KCNQ2: variants seen among roughly 807,000 people sequenced by gnomAD.
KCNQ2 encodes potassium voltage-gated channel subfamily Q member 2, also known as potassium voltage-gated channel subfamily KQT member 2.
A neutral mutation model predicts 84.8 loss-of-function variants in KCNQ2; 14 were observed. The observed-to-expected ratio is 0.17, with a 90% CI of 0.11 to 0.26. KCNQ2 has a LOEUF of 0.26. Ranked by LOEUF, KCNQ2 falls within the 10% of genes least tolerant of loss-of-function variation. The pLI, the probability that KCNQ2 is intolerant of heterozygous loss-of-function variation, is 1.00. For missense variants in KCNQ2, 788 were observed against 1,254.0 expected, an observed-to-expected ratio of 0.63 and a Z score of 5.61; for synonymous variants, 599 against 554.1, an observed-to-expected ratio of 1.08 and a Z score of -1.14.
intron 15 of KCNQ2, among the ~76,000 whole-genome samples, chr20:63,410,593 G>A (rs191800931): frequency 1.9e-3 from 286 of 152,254 alleles, no homozygotes; most frequent in Non-Finnish European, 3.2e-3. Context: ...CAGGGAACCC[G>A]GCAAACTCCG....
intron 11 of KCNQ2, among the ~76,000 whole-genome samples, chr20:63,420,250 C>A (rs2080425922): frequency 1.3e-5 from 2 of 152,242 alleles, no homozygotes; most frequent in South Asian, 2.1e-4. Context: ...CACGTTGGGG[C>A]TCAGTGGATC....
In KCNQ2 at chr20:63,400,337, C is replaced by T. The variant is rs929116710; in HGVS notation, c.*6307G>A. 1.8e-5 allele frequency: 6 copies of T among 324,328 alleles called. No homozygotes were observed. Among genetic ancestry groups the T allele is most frequent in the African/African-American group, 1.3e-4 (6 of 46,894 alleles). The allele number at this position is 324,328 out of a possible 1,614,324, so 20.1% of individuals were successfully genotyped here. A position where few individuals can be genotyped will look rare whatever the true frequency, so the allele number is the denominator to read the frequency against. On this transcript the variant is annotated 3_prime_UTR_variant, in exon 17 of 17. Transcript: ENST00000359125. This position sits in a 1 kb window ranked among gnomAD's most constrained non-coding sequence, Gnocchi z 8.7. ...CCGCAGGACCCCACACCCGAAGTCC[C>T]CCGCAAACCCGCACTGGCGCATTCT... is the stretch of plus-strand genomic sequence containing the variant.
In KCNQ2 at chr20:63,460,295, G is replaced by C. The variant is rs947597131; in HGVS notation, c.296+11873C>G. On this transcript the variant is annotated intron_variant, in intron 1 of 16. Transcript: ENST00000359125. The surrounding 1 kb of genome is among the most constrained non-coding windows in gnomAD (Gnocchi z 5.4). Reference sequence around the variant, plus strand: ...GTCCCAGGGGAGCTGGGGTGGAGAGGGGCTCCCCCCACCCTCAACAAGGGG... The same window carrying C: ...GTCCCAGGGGAGCTGGGGTGGAGAGCGGCTCCCCCCACCCTCAACAAGGGG... Among the ~76,000 whole-genome samples the C allele has an allele frequency of 6.6e-6, 1 of 152,132 alleles. No individual in the cohort carries two copies. The highest frequency in any genetic ancestry group is 1.5e-5 in the Non-Finnish European group (1 of 68,012).
At chr20:63,453,503 C>T (rs1047257289) in intron 1 of KCNQ2, among the ~76,000 whole-genome samples, 1 of 152,222 alleles carries the variant, frequency 6.6e-6, no homozygotes, top group Non-Finnish European at 1.5e-5. Context: ...GTCTGCCTAA[C>T]GGGGTTTTCT....
chr20:63,444,656 C>T lies in KCNQ2; in HGVS notation c.690+3G>A, dbSNP rs540295078. ...CACCGCCAGCCTTGGGGCCGTGACT[C>T]ACCTTGCTGTGGGCATAGACCACAG... On this transcript the variant is annotated splice_donor_region_variant and intron_variant, in intron 4 of 16. Coordinates refer to ENST00000359125, the MANE Select transcript of KCNQ2 (RefSeq NM_172107.4). 4 of 1,548,884 alleles carry T rather than the reference C, an allele frequency of 2.6e-6. No homozygotes were observed. In the South Asian group the frequency reaches 3.5e-5, roughly 14 times the overall value.
intron 10 of KCNQ2, among the ~76,000 whole-genome samples, chr20:63,424,778 C>A (rs2080578321): frequency 6.6e-6 from 1 of 152,240 alleles, no homozygotes; most frequent in African/African-American, 2.4e-5. Context: ...TCCGGCGTCT[C>A]ATCTGGGGCT....
At chr20:63,433,726 G>A in intron 8 of KCNQ2, 83 bp downstream of exon 8, 2 of 1,609,032 alleles carry the variant, frequency 1.2e-6, no homozygotes, top group African/African-American at 1.3e-5. Flanking sequence ...TCAAAATAAT[G>A]AACAACAAAA....
chr20:63,450,125 C>T (rs1282374939), intron 1 of KCNQ2, among the ~76,000 whole-genome samples: 2 of 149,720 alleles, frequency 1.3e-5, no homozygotes, highest in African/African-American at 4.9e-5. Flanking sequence ...CACCCCGCCT[C>T]ACCCCGTCCC....
chr20:63,419,458 G>A (rs1028424866), intron 12 of KCNQ2, among the ~76,000 whole-genome samples, 161 bp downstream of exon 12: 6 of 152,208 alleles, frequency 3.9e-5, no homozygotes, highest in Non-Finnish European at 7.4e-5. Flanking sequence ...CGCAGCTGTC[G>A]GCTAGAATAG....
At position 63,400,822 on chromosome 20, in the gene KCNQ2, C is replaced by T. The variant is rs1376410842; in HGVS notation, c.*5822G>A. The T allele has an allele frequency of 2.0e-5, 8 of 398,448 alleles. No individual in the cohort carries two copies. Among genetic ancestry groups the T allele is most frequent in the East Asian group, 3.6e-5 (1 of 28,068 alleles). The allele number at this position is 398,448 out of a possible 1,614,324, so 24.7% of individuals were successfully genotyped here. ...CCTCCGTGAGACCCCTCCTGCCCTG[C>T]GCGTGTCTCTGGAGCCCGTCCCTTG... On this transcript the variant is annotated 3_prime_UTR_variant, in exon 17 of 17. Coordinates refer to ENST00000359125, the MANE Select transcript of KCNQ2 (RefSeq NM_172107.4). This position sits in a 1 kb window ranked among gnomAD's most constrained non-coding sequence, Gnocchi z 8.7.
At chr20:63,430,996 G>A (rs995441944) in intron 9 of KCNQ2, among the ~76,000 whole-genome samples, 18 of 152,186 alleles carry the variant, frequency 1.2e-4, no homozygotes, top group African/African-American at 4.1e-4. Flanking sequence ...ATGGAGGCAC[G>A]AGGGGAGCCA....
rs2081432144 is a variant in KCNQ2 at position 63,446,554 on chromosome 20, C to T, written c.387+193G>A. Among the ~76,000 whole-genome samples, 1 of 152,098 alleles carries T rather than the reference C, an allele frequency of 6.6e-6. No homozygotes were observed. ...GGGTGAGGTGAGGGCTGAGTTACAGCCAGGGTGGGGCTGGGGCATAGCCCG... is the reference window on the plus strand; with the variant it reads ...GGGTGAGGTGAGGGCTGAGTTACAGTCAGGGTGGGGCTGGGGCATAGCCCG... On this transcript the variant is annotated intron_variant, in intron 2 of 16. Coordinates refer to ENST00000359125, the MANE Select transcript of KCNQ2 (RefSeq NM_172107.4). This position sits in a 1 kb window ranked among gnomAD's most constrained non-coding sequence, Gnocchi z 5.5.
Position 63,431,027 on chromosome 20 carries a change from G to A in KCNQ2, c.1148+313C>T, listed in dbSNP as rs929637601. ...AGCCAGGCCAGAAGCAGGACAGAAC[G>A]AGACCACGGGGGACACAGGCGGGCT... On this transcript the variant is annotated intron_variant, in intron 9 of 16. Transcript: ENST00000359125. Among the ~76,000 whole-genome samples the A allele has an allele frequency of 3.3e-5, 5 of 152,318 alleles. 1 individual carries two copies. Among genetic ancestry groups the A allele is most frequent in the Admixed American group, 2.6e-4 (4 of 15,306 alleles).
At chr20:63,466,631 G>C (rs577400647) in intron 1 of KCNQ2, 88 of 152,388 alleles carry the variant, frequency 5.8e-4, no homozygotes, top group African/African-American at 2.1e-3. Flanking sequence ...CTCACACGTT[G>C]AATCCCGGCG....
In KCNQ2 at chr20:63,439,673, G is replaced by A. The variant is rs1568927684; in HGVS notation, c.852C>T (p.Tyr284=). The change falls in exon 6 of 17, where the codon TAC becomes TAT. Residue 284 remains tyrosine (Y), a synonymous_variant. Transcript: ENST00000359125. ...TLTTIGYGDK[Y]PQTWNGRLLA... Reference sequence around the variant, plus strand: ...GGAGCCTGCCGTTCCAGGTCTGGGGGTACTTGTCCCCGTAGCCAATGGTGG... The same window carrying A: ...GGAGCCTGCCGTTCCAGGTCTGGGGATACTTGTCCCCGTAGCCAATGGTGG... The A allele has an allele frequency of 1.9e-6, 3 of 1,613,700 alleles. No homozygotes were observed. The highest frequency in any genetic ancestry group is 2.7e-5 in the African/African-American group (2 of 74,954).
At chr20:63,453,722 G>A (rs938009446) in intron 1 of KCNQ2, 3 of 152,378 alleles carry the variant, frequency 2.0e-5, no homozygotes, top group Non-Finnish European at 4.4e-5. Context: ...ACAGGGGCGG[G>A]GGGGCTACAG....
Position 63,455,950 on chromosome 20 carries a change from G to C in KCNQ2, c.297-9113C>G, listed in dbSNP as rs535787163. On this transcript the variant is annotated intron_variant, in intron 1 of 16. Transcript: ENST00000359125. ...TCTGCTCACGGGCCCCCCACCTCCGGGAGGCCCCTCTGCTCACGGGCCCCC... is the reference window on the plus strand; with the variant it reads ...TCTGCTCACGGGCCCCCCACCTCCGCGAGGCCCCTCTGCTCACGGGCCCCC... Among the ~76,000 whole-genome samples, 344 of 98,494 alleles carry C rather than the reference G, an allele frequency of 3.5e-3. 7 individuals are homozygous for C. Among genetic ancestry groups the C allele is most frequent in the Middle Eastern group, 0.026 (4 of 154 alleles). The allele number at this position is 98,494 out of a possible 152,430, so 64.6% of individuals were successfully genotyped here. A position where few individuals can be genotyped will look rare whatever the true frequency, so the allele number is the denominator to read the frequency against.
At chr20:63,443,384 A>T in intron 4 of KCNQ2, among the ~76,000 whole-genome samples, 1 of 122,996 alleles carries the variant, frequency 8.1e-6, no homozygotes, top group Non-Finnish European at 1.7e-5. Context: ...CACCATCATC[A>T]CCACCACCAT....
intron 1 of KCNQ2, among the ~76,000 whole-genome samples, chr20:63,451,646 G>C (rs1254521539): frequency 6.6e-6 from 1 of 152,198 alleles, no homozygotes; most frequent in African/African-American, 2.4e-5. Context: ...AAGAACAAGA[G>C]GGTGGCCATG....
Sources: allele counts gnomAD v4.1 joint callset (sites outside exome capture counted in the v4.1 genomes callset), GRCh38; gene constraint gnomAD v4.1.1; non-coding constraint Gnocchi (gnomAD v3.1); transcripts MANE v1.5; gene names NCBI Gene and HGNC (gene_info 2026-07-23, HGNC 2026-07-21).